Variants in RUBCN observed in about 807,000 individuals in gnomAD.
The protein encoded by RUBCN is rubicon autophagy regulator.
In RUBCN, 74 loss-of-function variants were observed where a neutral mutation model predicts 113.2. That is an observed-to-expected ratio of 0.65 (90% confidence interval 0.54 to 0.79). The LOEUF (loss-of-function observed/expected upper bound fraction) is 0.79. Ranked by LOEUF, RUBCN falls within the 30% of genes least tolerant of loss-of-function variation. The pLI, the probability that RUBCN is intolerant of heterozygous loss-of-function variation, is 0.00. For synonymous variants in RUBCN, 480 were observed against 490.0 expected (o/e 0.98, Z 0.27); for missense variants, 1,109 against 1,251.7 (o/e 0.89, Z 1.72).
chr3:197,740,182 A>C (rs1410889393), upstream of RUBCN, among the ~76,000 whole-genome samples: 1 of 152,168 alleles, frequency 6.6e-6, no homozygotes, highest in Non-Finnish European at 1.5e-5. Context: ...TGCACTAGCC[A>C]TGCGTTACCT....
At chr3:197,684,720 ATG>A (rs57255392) in intron 11 of RUBCN, among the ~76,000 whole-genome samples, 4,522 of 149,910 alleles carry the variant, frequency 0.03, 210 homozygotes, top group African/African-American at 0.11. Flanking sequence ...ACACACATAT[ATG>A]TGTGTGTATA....
At chr3:197,733,687 C>T (rs1018204592) in intron 1 of RUBCN, among the ~76,000 whole-genome samples, 9 of 152,180 alleles carry the variant, frequency 5.9e-5, no homozygotes, top group African/African-American at 1.4e-4. Flanking sequence ...CATTAAACAA[C>T]GCATTCTGAA....
Position 197,705,092 on chromosome 3 carries a change from C to G in RUBCN, c.303G>C (p.Lys101Asn), listed in dbSNP as rs1231816222. ...LSPHSALHVE[K>N]FISVHENDQS... Reference sequence around the variant, plus strand: ...ACAGCCGCTCTGCTCTCACTCTTACCTTCTCCACGTGAAGGGCTGAGTGGG... The same window carrying G: ...ACAGCCGCTCTGCTCTCACTCTTACGTTCTCCACGTGAAGGGCTGAGTGGG... The change falls in exon 3 of 20, where the codon AAG becomes AAC. Residue 101 changes from lysine to asparagine, a missense_variant and splice_region_variant. Lys to Asn is a moderately conservative substitution (Grantham distance 94). Coordinates refer to ENST00000296343, the MANE Select transcript of RUBCN (RefSeq NM_014687.4). 1.2e-6 allele frequency: 2 copies of G among 1,612,996 alleles called. No homozygotes were observed. Among genetic ancestry groups the G allele is most frequent in the Middle Eastern group, 1.6e-4 (1 of 6,062 alleles).
chr3:197,680,883 G>A (rs1392619143), intron 16 of RUBCN, among the ~76,000 whole-genome samples: 1 of 151,834 alleles, frequency 6.6e-6, no homozygotes, highest in Non-Finnish European at 1.5e-5. Flanking sequence ...AAGAGATTAA[G>A]AAAGTACATA....
chr3:197,709,047 A>C (rs1724653369), intron 2 of RUBCN, among the ~76,000 whole-genome samples: 1 of 152,194 alleles, frequency 6.6e-6, no homozygotes, highest in African/African-American at 2.4e-5. Flanking sequence ...TACAGACTCC[A>C]TCAGTGGGCC....
chr3:197,673,477 C>A lies in RUBCN; in HGVS notation c.*1541G>T, dbSNP rs997872012. ...CAGCAAGCAACTATGAGAAGACATGCCCATGGGCAGAATTCAATCCCAGAA... is the reference window on the plus strand; with the variant it reads ...CAGCAAGCAACTATGAGAAGACATGACCATGGGCAGAATTCAATCCCAGAA... On this transcript the variant is annotated 3_prime_UTR_variant, in exon 20 of 20. Coordinates refer to ENST00000296343, the MANE Select transcript of RUBCN (RefSeq NM_014687.4). 6.6e-6 allele frequency: 1 copy of A among 152,298 alleles called. No individual in the cohort carries two copies. The highest frequency in any genetic ancestry group is 2.1e-4 in the South Asian group (1 of 4,834). The allele number at this position is 152,298 out of a possible 1,614,324, so 9.4% of individuals were successfully genotyped here. A position where few individuals can be genotyped will look rare whatever the true frequency, so the allele number is the denominator to read the frequency against.
Position 197,707,469 on chromosome 3 carries a change from G to A in RUBCN, c.220-2294C>T, listed in dbSNP as rs542628787. Among the ~76,000 whole-genome samples the A allele has an allele frequency of 9.2e-5, 14 of 152,226 alleles. No individual in the cohort carries two copies. The East Asian group carries it at 9.6e-4, about 10-fold the overall frequency. ...TTGATTATTCAAGAAATATTGTTGA[G>A]AAAATTGGCTGGCTAGAAGTAGACC... On this transcript the variant is annotated intron_variant, in intron 2 of 19. Transcript: ENST00000296343.
At chr3:197,684,726 G>GTA (rs1197641105) in intron 11 of RUBCN, among the ~76,000 whole-genome samples, 2 of 151,138 alleles carry the variant, frequency 1.3e-5, no homozygotes, top group Admixed American at 6.6e-5. Context: ...ATATATGTGT[G>GTA]TGTATATATA....
At chr3:197,734,455 T>G (rs1455113562) in intron 1 of RUBCN, among the ~76,000 whole-genome samples, 1 of 151,638 alleles carries the variant, frequency 6.6e-6, no homozygotes, top group Non-Finnish European at 1.5e-5. Context: ...CTGCCTGGGT[T>G]TGAATCCAGT....
intron 1 of RUBCN, among the ~76,000 whole-genome samples, chr3:197,721,481 T>C (rs1340040733): frequency 6.6e-6 from 1 of 152,178 alleles, no homozygotes; most frequent in Non-Finnish European, 1.5e-5. Flanking sequence ...ATTTTATTTA[T>C]TTGAGTCTTT....
intron 11 of RUBCN, among the ~76,000 whole-genome samples, chr3:197,686,830 G>A (rs1202798869): frequency 6.6e-6 from 1 of 152,214 alleles, no homozygotes; most frequent in Non-Finnish European, 1.5e-5. Flanking sequence ...AGGTGCTTCT[G>A]ATGCATCAGA....
At chr3:197,732,803 G>A (rs1258430454) in intron 1 of RUBCN, among the ~76,000 whole-genome samples, 3 of 152,320 alleles carry the variant, frequency 2.0e-5, no homozygotes, top group East Asian at 1.9e-4. Context: ...AGGTCCCAAT[G>A]TGTTCAACTC....
At chr3:197,678,329 A>T (rs568242229) in intron 16 of RUBCN, among the ~76,000 whole-genome samples, 1 of 140,152 alleles carries the variant, frequency 7.1e-6, no homozygotes, top group South Asian at 2.3e-4. Flanking sequence ...CTCTAACTCG[A>T]CAACTGGCTT....
rs373821823 is a variant in RUBCN, at chr3:197,675,141, G to A, written c.2796C>T (p.Cys932=). 17 of 1,613,900 alleles carry A rather than the reference G, an allele frequency of 1.1e-5. No individual in the cohort carries two copies. The highest frequency in any genetic ancestry group is 8.0e-5 in the African/African-American group (6 of 74,958). Reference sequence around the variant, plus strand: ...CCTCCCGCCGGGCCTGCAGCCGCTCGCAGCGCGGACAGCTTCCAGACTTGA... The same window carrying A: ...CCTCCCGCCGGGCCTGCAGCCGCTCACAGCGCGGACAGCTTCCAGACTTGA... ...ACFKSGSCPR[C]ERLQARREAL... Residue 932 remains cysteine (C), a synonymous_variant, in exon 20 of 20, where the codon TGC becomes TGT. Transcript: ENST00000296343. This position sits in a 1 kb window ranked among gnomAD's most constrained non-coding sequence, Gnocchi z 4.4.
intron 8 of RUBCN, among the ~76,000 whole-genome samples, chr3:197,696,583 T>C (rs1010578214): frequency 1.3e-5 from 2 of 150,094 alleles, no homozygotes; most frequent in African/African-American, 5.0e-5. Flanking sequence ...AGGACACAAA[T>C]GGCTTCCTCC....
chr3:197,675,257 G>A lies in RUBCN; in HGVS notation c.2741-61C>T, dbSNP rs1001913678. Reference sequence around the variant, plus strand: ...CAATTTGTATTATCTCCAGCTAGAGGTCAGTTGCTGCCACAGCCCCTTCTC... The same window carrying A: ...CAATTTGTATTATCTCCAGCTAGAGATCAGTTGCTGCCACAGCCCCTTCTC... On this transcript the variant is annotated intron_variant, in intron 19 of 19. Coordinates refer to ENST00000296343, the MANE Select transcript of RUBCN (RefSeq NM_014687.4). The surrounding 1 kb of genome is among the most constrained non-coding windows in gnomAD (Gnocchi z 4.4). 2.5e-6 allele frequency: 4 copies of A among 1,594,566 alleles called. No individual in the cohort carries two copies. The African/African-American group carries it at 4.0e-5, about 16-fold the overall frequency.
At chr3:197,741,750 G>T (rs982139845), upstream of RUBCN, among the ~76,000 whole-genome samples, 9 of 151,684 alleles carry the variant, frequency 5.9e-5, no homozygotes, top group Admixed American at 2.6e-4. Context: ...TTGAACCCAG[G>T]AGGTGGACAT....
intron 1 of RUBCN, among the ~76,000 whole-genome samples, chr3:197,721,847 G>A (rs574643478): frequency 1.1e-4 from 16 of 152,200 alleles, no homozygotes; most frequent in South Asian, 8.3e-4. Flanking sequence ...TGACCAACTG[G>A]TTGTTCAGGA....
intron 2 of RUBCN, 59 bp downstream of exon 2, chr3:197,717,918 G>T: frequency 1.2e-6 from 2 of 1,601,320 alleles, no homozygotes; most frequent in Non-Finnish European, 8.5e-7. Flanking sequence ...CTGCCAATGC[G>T]ACTGTTTCTT....
Sources: allele counts gnomAD v4.1 joint callset (sites outside exome capture counted in the v4.1 genomes callset), GRCh38; gene constraint gnomAD v4.1.1; non-coding constraint Gnocchi (gnomAD v3.1); transcripts MANE v1.5; gene names NCBI Gene and HGNC (gene_info 2026-07-23, HGNC 2026-07-21).